Variants in CHMP4C observed in about 807,000 individuals in gnomAD.
CHMP4C encodes charged multivesicular body protein 4C.
CHMP4C carries 28 observed loss-of-function variants against 29.0 expected under a neutral mutation model. The ratio of observed to expected loss-of-function variants is 0.97; its 90% CI spans 0.72 to 1.32. The LOEUF (loss-of-function observed/expected upper bound fraction) is 1.32. Among genes scored for constraint, CHMP4C ranks in the 40% most tolerant of loss-of-function variants. CHMP4C has a pLI of 0.00. For missense variants in CHMP4C, 291 were observed against 281.0 expected (o/e 1.04, Z -0.25); for synonymous variants, 106 against 102.4 (o/e 1.04, Z -0.21).
chr8:81,749,381 G>A (rs1487783964), intron 1 of CHMP4C, among the ~76,000 whole-genome samples: 6 of 152,296 alleles, frequency 3.9e-5, no homozygotes, highest in South Asian at 4.1e-4. Flanking sequence ...TATGGCAAAT[G>A]CTCCATAAAT....
intron 1 of CHMP4C, 84 bp downstream of exon 1, chr8:81,732,900 C>T: frequency 7.6e-7 from 1 of 1,308,556 alleles, no homozygotes; most frequent in South Asian, 1.5e-5. Flanking sequence ...CCACTGAGGT[C>T]CCCAGGTGGC....
chr8:81,759,300 T>G lies in CHMP4C; in HGVS notation c.*756T>G, dbSNP rs1223577816. ...CGTGTGAAAGCACTAACAGCTTATATTGCTGAATGAGAATCTCCTGGGTGT... is the reference window on the plus strand; with the variant it reads ...CGTGTGAAAGCACTAACAGCTTATAGTGCTGAATGAGAATCTCCTGGGTGT... On this transcript the variant is annotated 3_prime_UTR_variant, in exon 5 of 5. Coordinates refer to ENST00000297265, the MANE Select transcript of CHMP4C (RefSeq NM_152284.4). The G allele has an allele frequency of 2.0e-5, 3 of 152,614 alleles. No homozygotes were observed. Among genetic ancestry groups the G allele is most frequent in the Non-Finnish European group, 4.4e-5 (3 of 68,034 alleles). 9.5% of individuals were successfully genotyped at this position (152,614 alleles called of 1,614,324 possible).
chr8:81,759,103 T>C lies in CHMP4C; in HGVS notation c.*559T>C, dbSNP rs954623204. On this transcript the variant is annotated 3_prime_UTR_variant, in exon 5 of 5. Transcript: ENST00000297265. ...CGTGTATCCCTGTACCCATGGTAAATGTAAATATACTGTGTCTCTTTTGGG... is the reference window on the plus strand; with the variant it reads ...CGTGTATCCCTGTACCCATGGTAAACGTAAATATACTGTGTCTCTTTTGGG... 1 of 152,768 alleles carries C rather than the reference T, an allele frequency of 6.5e-6. No homozygotes were observed. The highest frequency in any genetic ancestry group is 1.5e-5 in the Non-Finnish European group (1 of 68,174). The allele number at this position is 152,768 out of a possible 1,614,324, so 9.5% of individuals were successfully genotyped here. A position where few individuals can be genotyped will look rare whatever the true frequency, so the allele number is the denominator to read the frequency against.
At chr8:81,746,233 G>C (rs918271581) in intron 1 of CHMP4C, among the ~76,000 whole-genome samples, 2 of 152,174 alleles carry the variant, frequency 1.3e-5, no homozygotes, top group Non-Finnish European at 2.9e-5. Flanking sequence ...GAAGTTACTG[G>C]TTTCATTCAC....
intron 1 of CHMP4C, among the ~76,000 whole-genome samples, chr8:81,743,568 G>A (rs1053572911): frequency 6.6e-6 from 1 of 152,120 alleles, no homozygotes; most frequent in Non-Finnish European, 1.5e-5. Flanking sequence ...GGTCAAATAT[G>A]TTAATTTCTC....
At chr8:81,734,235 G>A (rs181481934) in intron 1 of CHMP4C, among the ~76,000 whole-genome samples, 3 of 152,276 alleles carry the variant, frequency 2.0e-5, no homozygotes, top group Admixed American at 6.5e-5. Flanking sequence ...ACACTCTGAC[G>A]TTTGCTTAGT....
chr8:81,738,893 A>T (rs961037834), intron 1 of CHMP4C, among the ~76,000 whole-genome samples: 1 of 152,328 alleles, frequency 6.6e-6, no homozygotes, highest in Non-Finnish European at 1.5e-5. Context: ...TGGACTTTGA[A>T]CAAGTAACTC....
intron 1 of CHMP4C, among the ~76,000 whole-genome samples, chr8:81,745,103 A>G (rs1808805853): frequency 6.6e-6 from 1 of 152,172 alleles, no homozygotes; most frequent in Non-Finnish European, 1.5e-5. Context: ...CCATAAATTG[A>G]AGGTATTGTT....
In CHMP4C at chr8:81,758,711, A is replaced by G; in HGVS notation, c.*167A>G. On this transcript the variant is annotated 3_prime_UTR_variant, in exon 5 of 5. Transcript: ENST00000297265. ...AGTAAAAAAGGAGTCATGTGCATAC[A>G]TAGAATCAGTGATGGAGGCCAGGCA... 3.3e-6 allele frequency: 2 copies of G among 603,432 alleles called. No individual in the cohort carries two copies. Among genetic ancestry groups the G allele is most frequent in the Non-Finnish European group, 2.9e-6 (1 of 343,800 alleles). The allele number at this position is 603,432 out of a possible 1,614,324, so 37.4% of individuals were successfully genotyped here.
intron 1 of CHMP4C, among the ~76,000 whole-genome samples, chr8:81,741,449 T>C (rs1171493359): frequency 6.6e-6 from 1 of 152,182 alleles, no homozygotes; most frequent in Non-Finnish European, 1.5e-5. Flanking sequence ...TACCTACAGA[T>C]GTGCTTAGTA....
chr8:81,756,745 C>T (rs893578239), intron 3 of CHMP4C, among the ~76,000 whole-genome samples: 15 of 152,196 alleles, frequency 9.9e-5, no homozygotes, highest in African/African-American at 2.9e-4. Flanking sequence ...CTGTTGATAA[C>T]GATGATGCAC....
At chr8:81,751,278 G>T (rs958272808) in intron 1 of CHMP4C, among the ~76,000 whole-genome samples, 1 of 152,112 alleles carries the variant, frequency 6.6e-6, no homozygotes, top group African/African-American at 2.4e-5. Context: ...ATAAATGATT[G>T]CTAGAATTGT....
intron 2 of CHMP4C, among the ~76,000 whole-genome samples, chr8:81,754,512 A>C (rs1001412426): frequency 1.1e-4 from 16 of 152,150 alleles, no homozygotes; most frequent in African/African-American, 3.6e-4. Context: ...GAAACTCACA[A>C]AAAAATTACT....
intron 1 of CHMP4C, among the ~76,000 whole-genome samples, chr8:81,749,628 A>G (rs1808871582): frequency 6.6e-6 from 1 of 152,188 alleles, no homozygotes; most frequent in South Asian, 2.1e-4. Flanking sequence ...CTACGTTTTA[A>G]TTCTACCTAA....
intron 1 of CHMP4C, among the ~76,000 whole-genome samples, chr8:81,747,020 G>A (rs544424467): frequency 3.5e-4 from 54 of 152,270 alleles, no homozygotes; most frequent in Admixed American, 1.1e-3. Flanking sequence ...CTTATGTAAA[G>A]CCACATAGCC....
intron 2 of CHMP4C, among the ~76,000 whole-genome samples, chr8:81,753,529 G>T (rs531376259): frequency 6.6e-6 from 1 of 152,092 alleles, no homozygotes; most frequent in Non-Finnish European, 1.5e-5. Context: ...AAAAGGCTTC[G>T]ATTTCAACCT....
chr8:81,737,867 G>T (rs1397834680), intron 1 of CHMP4C, among the ~76,000 whole-genome samples: 6 of 152,144 alleles, frequency 3.9e-5, no homozygotes. Flanking sequence ...CCAGTTTTTG[G>T]CCAAATTTGG....
At chr8:81,741,368 C>T (rs191047764) in intron 1 of CHMP4C, among the ~76,000 whole-genome samples, 3 of 152,080 alleles carry the variant, frequency 2.0e-5, no homozygotes, top group Non-Finnish European at 4.4e-5. Context: ...GTATTACTAA[C>T]ACCATGATTA....
At chr8:81,739,007 G>A (rs1449053119) in intron 1 of CHMP4C, among the ~76,000 whole-genome samples, 1 of 151,166 alleles carries the variant, frequency 6.6e-6, no homozygotes, top group Non-Finnish European at 1.5e-5. Context: ...TCACCCATTC[G>A]TACTTTTTCT....
Sources: gnomAD v4.1 joint callset for allele counts (sites outside exome capture counted in the v4.1 genomes callset) on GRCh38, gnomAD v4.1.1 for gene constraint, MANE v1.5 for transcripts, NCBI Gene and HGNC (gene_info 2026-07-23, HGNC 2026-07-21) for gene names.